The following ORC5 variants were observed in gnomAD, a reference collection of about 807,000 sequenced individuals.
The protein encoded by ORC5 is protein phosphatase 1, regulatory subunit 117.
A neutral mutation model predicts 58.8 loss-of-function variants in ORC5; 39 were observed. That is an observed-to-expected ratio of 0.66 (90% CI 0.51 to 0.87). ORC5 has a LOEUF of 0.87. ORC5 is among the 40% of genes least tolerant of loss of function. ORC5 has a pLI of 0.00. For synonymous variants in ORC5, 218 were observed against 177.6 expected, an observed-to-expected ratio of 1.23 and a Z score of -1.81; for missense variants, 493 against 506.3, an observed-to-expected ratio of 0.97 and a Z score of 0.25.
In ORC5 at chr7:104,136,182, G is replaced by A. The variant is rs1028889362; in HGVS notation, c.1262+599C>T. On this transcript the variant is annotated intron_variant, in intron 13 of 13. Transcript: ENST00000297431. The surrounding 1 kb of genome is among the most constrained non-coding windows in gnomAD (Gnocchi z 4.2). ...CTGAAACACTTAAGACAGTTCACATGTCCTTCCTAAGGCTTTTCTCTCACA... is the reference window on the plus strand; with the variant it reads ...CTGAAACACTTAAGACAGTTCACATATCCTTCCTAAGGCTTTTCTCTCACA... Among the ~76,000 whole-genome samples the A allele has an allele frequency of 3.3e-5, 5 of 152,050 alleles. No individual in the cohort carries two copies. The highest frequency in any genetic ancestry group is 1.2e-4 in the African/African-American group (5 of 41,402).
At chr7:104,168,656 CAAT>C (rs1312301234) in intron 8 of ORC5, 131 bp from the exon 9 acceptor site, 3 of 484,136 alleles carry the variant, frequency 6.2e-6, no homozygotes, top group Non-Finnish European at 1.1e-5. Flanking sequence ...TATATACATG[CAAT>C]AAACATGTTT....
At chr7:104,173,490 T>C (rs572158179) in intron 8 of ORC5, among the ~76,000 whole-genome samples, 12 of 152,296 alleles carry the variant, frequency 7.9e-5, no homozygotes, top group Non-Finnish European at 1.5e-4. Flanking sequence ...GAATCAGCAA[T>C]TCTTAGAACT....
At chr7:104,165,184 T>C (rs371257370) in intron 11 of ORC5, 51 bp downstream of exon 11, 1 of 905,596 alleles carries the variant, frequency 1.1e-6, no homozygotes, top group Non-Finnish European at 1.7e-6. Flanking sequence ...CTATTTCCTA[T>C]ATTATCTTCA....
At chr7:104,132,255 G>C (rs1267340438) in intron 13 of ORC5, among the ~76,000 whole-genome samples, 1 of 152,018 alleles carries the variant, frequency 6.6e-6, no homozygotes, top group Non-Finnish European at 1.5e-5. Context: ...TAGTTTTCTT[G>C]TATATGCAAC....
intron 12 of ORC5, among the ~76,000 whole-genome samples, chr7:104,153,470 A>G (rs577670926): frequency 2.0e-5 from 3 of 152,276 alleles, no homozygotes; most frequent in African/African-American, 7.2e-5. Flanking sequence ...CCATCTTGGA[A>G]TGCAATGTCT....
At chr7:104,168,160 T>C in intron 9 of ORC5, 2 of 560,060 alleles carry the variant, frequency 3.6e-6, no homozygotes, top group Non-Finnish European at 5.0e-6. Context: ...AATATAAACA[T>C]AATGAGATAA....
rs889241347 is a variant in ORC5 at position 104,133,061 on chromosome 7, G to A, written c.1262+3720C>T. ...GAAAGAAGGTGTATGTGCTAGATGGGGCTAGGCACAGGTAGGGGCCAGATC... is the reference window on the plus strand; with the variant it reads ...GAAAGAAGGTGTATGTGCTAGATGGAGCTAGGCACAGGTAGGGGCCAGATC... On this transcript the variant is annotated intron_variant, in intron 13 of 13. Coordinates refer to ENST00000297431, the MANE Select transcript of ORC5 (RefSeq NM_002553.4). This position sits in a 1 kb window ranked among gnomAD's most constrained non-coding sequence, Gnocchi z 4.7. Among the ~76,000 whole-genome samples, 1 of 152,066 alleles carries A rather than the reference G, an allele frequency of 6.6e-6. No homozygotes were observed. The highest frequency in any genetic ancestry group is 1.5e-5 in the Non-Finnish European group (1 of 68,016).
chr7:104,143,997 T>C (rs930418270), intron 12 of ORC5, among the ~76,000 whole-genome samples: 1 of 152,120 alleles, frequency 6.6e-6, no homozygotes, highest in African/African-American at 2.4e-5. Context: ...CACGTGCCTG[T>C]AATCCCAGCT....
At position 104,138,979 on chromosome 7, in the gene ORC5, C is replaced by T. The variant is rs1351515486; in HGVS notation, c.1150-2086G>A. Among the ~76,000 whole-genome samples, 2 of 152,166 alleles carry T rather than the reference C, an allele frequency of 1.3e-5. No homozygotes were observed. Among genetic ancestry groups the T allele is most frequent in the Admixed American group, 1.3e-4 (2 of 15,270 alleles). ...CTGAAATCTAAGAAAGGAAGCTGAT[C>T]CAAGAGCTGAAATTCTTTGAGCGCC... On this transcript the variant is annotated intron_variant, in intron 12 of 13. Coordinates refer to ENST00000297431, the MANE Select transcript of ORC5 (RefSeq NM_002553.4). This position sits in a 1 kb window ranked among gnomAD's most constrained non-coding sequence, Gnocchi z 4.7.
chr7:104,197,663 AC>A lies in ORC5; in HGVS notation c.441+61del. On this transcript the variant is annotated intron_variant, in intron 4 of 13. Transcript: ENST00000297431. ...CACCTATCAAATAGCAAAATGAAAA[AC>A]TTTTACAACACAATCCATTGATTAA... 2.7e-6 allele frequency: 3 copies of A among 1,107,584 alleles called. 1 individual carries two copies. Among genetic ancestry groups the A allele is most frequent in the Middle Eastern group, 2.0e-4 (1 of 4,906 alleles). 68.6% of individuals were successfully genotyped at this position (1,107,584 alleles called of 1,614,324 possible). A position where few individuals can be genotyped will look rare whatever the true frequency, so the allele number is the denominator to read the frequency against.
At chr7:104,176,985 T>C (rs1799335259) in intron 8 of ORC5, among the ~76,000 whole-genome samples, 1 of 152,322 alleles carries the variant, frequency 6.6e-6, no homozygotes, top group African/African-American at 2.4e-5. Flanking sequence ...CAATTGAATA[T>C]TGTTGGTTTA....
chr7:104,174,440 A>C (rs1452058576), intron 8 of ORC5, among the ~76,000 whole-genome samples: 1 of 152,200 alleles, frequency 6.6e-6, no homozygotes, highest in Non-Finnish European at 1.5e-5. Context: ...ATGCCAAAAC[A>C]ATCTACCTTT....
chr7:104,158,990 G>A (rs1378569169), intron 12 of ORC5, among the ~76,000 whole-genome samples: 1 of 109,886 alleles, frequency 9.1e-6, no homozygotes, highest in Non-Finnish European at 2.2e-5. Context: ...TATACCCAAA[G>A]GACTATAAAT....
rs558678610 is a variant in ORC5, at chr7:104,173,752, G to A, written c.825-5227C>T. On this transcript the variant is annotated intron_variant, in intron 8 of 13. Coordinates refer to ENST00000297431, the MANE Select transcript of ORC5 (RefSeq NM_002553.4). ...CCGGTTACTATAAAATTTGTGTTCT[G>A]TGAGGTATGTCTTTTCTGGTGAATT... 9.2e-5 allele frequency among the ~76,000 whole-genome samples: 14 copies of A among 151,984 alleles called. 1 individual carries two copies. The South Asian group carries it at 2.9e-3, about 32-fold the overall frequency.
intron 6 of ORC5, among the ~76,000 whole-genome samples, chr7:104,186,266 A>G (rs1799540626): frequency 6.6e-6 from 1 of 151,934 alleles, no homozygotes; most frequent in Non-Finnish European, 1.5e-5. Context: ...AACAGTACTC[A>G]GGGAATACAA....
At chr7:104,205,155 C>T (rs6465966) in intron 1 of ORC5, among the ~76,000 whole-genome samples, 18,960 of 134,456 alleles carry the variant, frequency 0.14, 1,449 homozygotes, top group Middle Eastern at 0.25. Context: ...AATGGCGTGA[C>T]CTCGGCTCAC....
intron 5 of ORC5, among the ~76,000 whole-genome samples, chr7:104,191,608 G>T (rs1483866208): frequency 1.3e-5 from 2 of 152,026 alleles, no homozygotes; most frequent in Admixed American, 1.3e-4. Flanking sequence ...CTGTGTTGCT[G>T]TAAAAGTAAC....
intron 6 of ORC5, 118 bp from the exon 7 acceptor site, chr7:104,184,289 C>T: frequency 1.5e-6 from 1 of 669,942 alleles, no homozygotes; most frequent in Non-Finnish European, 2.5e-6. Context: ...CACATTTGCT[C>T]AAGTCAAATG....
chr7:104,142,652 G>A (rs1798691450), intron 12 of ORC5, among the ~76,000 whole-genome samples: 1 of 152,108 alleles, frequency 6.6e-6, no homozygotes, highest in African/African-American at 2.4e-5. Flanking sequence ...AAAGGTCAAA[G>A]ACAAAATTGA....
Sources: allele counts gnomAD v4.1 joint callset (sites outside exome capture counted in the v4.1 genomes callset), GRCh38; gene constraint gnomAD v4.1.1; non-coding constraint Gnocchi (gnomAD v3.1); transcripts MANE v1.5; gene names NCBI Gene and HGNC (gene_info 2026-07-23, HGNC 2026-07-21).